The following HEMK2 variants were observed in gnomAD, a reference collection of about 807,000 sequenced individuals.
HEMK2 encodes methyltransferase HEMK2.
the HEMK2 span, among the ~76,000 whole-genome samples, chr21:28,851,919 C>T: frequency 2.2e-4 from 33 of 152,172 alleles, no homozygotes; most frequent in Non-Finnish European, 5.9e-5. Flanking sequence ...TTGCCAAGTA[C>T]CTGGTACATA....
chr21:28,630,765 T>A, the HEMK2 span, among the ~76,000 whole-genome samples: 146 of 110,758 alleles, frequency 1.3e-3, 1 homozygote, highest in Middle Eastern at 6.9e-3. Context: ...AACATCACAT[T>A]CTGGGGACTG....
At chr21:28,794,467 A>C in the HEMK2 span, among the ~76,000 whole-genome samples, 3 of 152,252 alleles carry the variant, frequency 2.0e-5, no homozygotes, top group Non-Finnish European at 4.4e-5. Flanking sequence ...TATCATGTGA[A>C]GTATTTGGAA....
chr21:28,629,645 C>T, the HEMK2 span, among the ~76,000 whole-genome samples: 4 of 152,144 alleles, frequency 2.6e-5, no homozygotes, highest in African/African-American at 9.7e-5. Flanking sequence ...ATTCTTAAAG[C>T]CTTAAAGACA....
chr21:28,774,848 G>A, the HEMK2 span, among the ~76,000 whole-genome samples: 1 of 152,084 alleles, frequency 6.6e-6, no homozygotes, highest in Non-Finnish European at 1.5e-5. Context: ...GAGCATCTTT[G>A]TAATATTTAT....
At chr21:28,793,036 CTT>C in the HEMK2 span, among the ~76,000 whole-genome samples, 1 of 152,202 alleles carries the variant, frequency 6.6e-6, no homozygotes, top group African/African-American at 2.4e-5. Context: ...GAGAAGGTAA[CTT>C]ATAATGCCTG....
chr21:28,862,394 C>T, the HEMK2 span, among the ~76,000 whole-genome samples: 1 of 121,024 alleles, frequency 8.3e-6, no homozygotes, highest in Non-Finnish European at 1.7e-5. Flanking sequence ...AATCCCAGCA[C>T]TTTGGGAGGC....
chr21:28,724,109 C>T, the HEMK2 span, among the ~76,000 whole-genome samples: 1 of 152,170 alleles, frequency 6.6e-6, no homozygotes, highest in African/African-American at 2.4e-5. Context: ...AAACTCAATC[C>T]CTTCCTCAAG....
chr21:28,690,753 C>T, the HEMK2 span, among the ~76,000 whole-genome samples: 1 of 152,146 alleles, frequency 6.6e-6, no homozygotes, highest in African/African-American at 2.4e-5. Flanking sequence ...AAATGATAAG[C>T]CCCAGATATT....
the HEMK2 span, among the ~76,000 whole-genome samples, chr21:28,654,076 A>G: frequency 2.0e-5 from 3 of 152,170 alleles, no homozygotes; most frequent in Non-Finnish European, 4.4e-5. Context: ...TTGTCAAATG[A>G]GCAGAAAGTA....
chr21:28,831,682 A>AGAAAGAAGGAAG, the HEMK2 span, among the ~76,000 whole-genome samples: 1 of 20,334 alleles, frequency 4.9e-5, no homozygotes, highest in Non-Finnish European at 1.0e-4. Flanking sequence ...AAAGAAAGAA[A>AGAAAGAAGGAAG]GAAGGAAGGA....
chr21:28,611,088 C>T, the HEMK2 span, among the ~76,000 whole-genome samples: 2 of 152,174 alleles, frequency 1.3e-5, no homozygotes, highest in African/African-American at 4.8e-5. Context: ...CCAACAACTG[C>T]AGAATTTACA....
the HEMK2 span, among the ~76,000 whole-genome samples, chr21:28,840,284 C>A: frequency 6.6e-6 from 1 of 152,094 alleles, no homozygotes; most frequent in African/African-American, 2.4e-5. Flanking sequence ...ATTGGAAAAA[C>A]CCTTCTAGAC....
the HEMK2 span, among the ~76,000 whole-genome samples, chr21:28,763,613 C>T: frequency 6.6e-6 from 1 of 152,096 alleles, no homozygotes; most frequent in Admixed American, 6.6e-5. Context: ...TCAGCCTCAG[C>T]AGTCTTATCA....
At chr21:28,628,213 C>T in the HEMK2 span, among the ~76,000 whole-genome samples, 2 of 152,220 alleles carry the variant, frequency 1.3e-5, no homozygotes, top group East Asian at 3.9e-4. Context: ...GTATACAATA[C>T]ATACATTTAT....
chr21:28,658,546 A>C, the HEMK2 span, among the ~76,000 whole-genome samples: 2 of 152,080 alleles, frequency 1.3e-5, no homozygotes, highest in Non-Finnish European at 2.9e-5. Context: ...TTCTGCCTGC[A>C]GGAGGTTGTA....
At chr21:28,649,564 T>G in the HEMK2 span, among the ~76,000 whole-genome samples, 84,104 of 152,076 alleles carry the variant, frequency 0.55, 25,884 homozygotes, top group East Asian at 0.84. Flanking sequence ...ACATGAACAG[T>G]AGAATTTCTG....
chr21:28,715,452 G>T, the HEMK2 span, among the ~76,000 whole-genome samples: 3 of 152,226 alleles, frequency 2.0e-5, no homozygotes, highest in African/African-American at 7.2e-5. Context: ...ATTTTAAGAA[G>T]TGTCTGTTTA....
the HEMK2 span, among the ~76,000 whole-genome samples, chr21:28,799,948 A>G: frequency 1.3e-5 from 2 of 152,128 alleles, no homozygotes; most frequent in African/African-American, 4.8e-5. Flanking sequence ...CCAGATACCC[A>G]TTTTTTATGT....
chr21:28,885,364 ATGCGCG>A, the HEMK2 span: 1 of 1,533,582 alleles, frequency 6.5e-7, no homozygotes, highest in Non-Finnish European at 8.9e-7. Flanking sequence ...GCTGCGTTCC[ATGCGCG>A]TGCGCAGGGC....
Sources: gnomAD v4.1 joint callset for allele counts (sites outside exome capture counted in the v4.1 genomes callset) on GRCh38, gnomAD v4.1.1 for gene constraint, MANE v1.5 for transcripts, NCBI Gene and HGNC (gene_info 2026-07-23, HGNC 2026-07-21) for gene names.